The following RBM20 variants were observed in gnomAD, a reference collection of about 807,000 sequenced individuals.
RBM20 encodes RNA-binding protein 20.
A neutral mutation model predicts 110.1 loss-of-function variants in RBM20; 51 were observed. The observed-to-expected ratio is 0.46, with a 90% CI of 0.37 to 0.59. The LOEUF is 0.59. RBM20 is among the 20% of genes least tolerant of loss of function. The pLI, the probability that RBM20 is intolerant of heterozygous loss-of-function variation, is 0.00. For synonymous variants in RBM20, 589 were observed against 618.2 expected (o/e 0.95, Z 0.70); for missense variants, 1,512 against 1,574.9 (o/e 0.96, Z 0.68).
chr10:110,716,010 C>T (rs1557030), intron 1 of RBM20, among the ~76,000 whole-genome samples: 106,871 of 152,110 alleles, frequency 0.7, 38,099 homozygotes, highest in East Asian at 1. Flanking sequence ...TTCTTGGTTC[C>T]CTCACTCACT....
chr10:110,792,190 T>G (rs1564847567), intron 5 of RBM20, among the ~76,000 whole-genome samples: 1 of 151,886 alleles, frequency 6.6e-6, no homozygotes, highest in Non-Finnish European at 1.5e-5. Flanking sequence ...TATCTATCTA[T>G]GTATCCATCA....
chr10:110,778,316 G>A (rs1844293962), intron 1 of RBM20, among the ~76,000 whole-genome samples: 1 of 152,222 alleles, frequency 6.6e-6, no homozygotes, highest in Non-Finnish European at 1.5e-5. Flanking sequence ...ATGCAAATGG[G>A]AAAGAATAAC....
At chr10:110,805,256 G>C (rs1844679983) in intron 7 of RBM20, among the ~76,000 whole-genome samples, 1 of 152,186 alleles carries the variant, frequency 6.6e-6, no homozygotes, top group Non-Finnish European at 1.5e-5. Context: ...AAAAAGGGAA[G>C]AGATTCCTAA....
rs1002083999 is a variant in RBM20 at position 110,801,785 on chromosome 10, T to A, written c.1800+1867T>A. On this transcript the variant is annotated intron_variant, in intron 7 of 13. Coordinates refer to ENST00000369519, the MANE Select transcript of RBM20 (RefSeq NM_001134363.3). Reference sequence around the variant, plus strand: ...TGGTCTCAATATCCTGACCTTATGATCTGCCCGCCTCAGCCTCCCAAAGTG... The same window carrying A: ...TGGTCTCAATATCCTGACCTTATGAACTGCCCGCCTCAGCCTCCCAAAGTG... 2.6e-4 allele frequency among the ~76,000 whole-genome samples: 39 copies of A among 151,390 alleles called. 1 individual carries two copies. Among genetic ancestry groups the A allele is most frequent in the African/African-American group, 9.2e-4 (38 of 41,264 alleles).
chr10:110,797,927 G>T (rs1844573130), intron 6 of RBM20, among the ~76,000 whole-genome samples: 1 of 152,070 alleles, frequency 6.6e-6, no homozygotes, highest in Non-Finnish European at 1.5e-5. Context: ...AAGGGTAATT[G>T]GCACCCAAAA....
At chr10:110,651,399 C>G (rs1357404971) in intron 1 of RBM20, among the ~76,000 whole-genome samples, 1 of 152,088 alleles carries the variant, frequency 6.6e-6, no homozygotes, top group East Asian at 1.9e-4. Context: ...TGTCAGTGAA[C>G]AGGAAAAGGT....
chr10:110,721,041 TG>T (rs1487090344), intron 1 of RBM20, among the ~76,000 whole-genome samples: 1 of 152,216 alleles, frequency 6.6e-6, no homozygotes, highest in African/African-American at 2.4e-5. Flanking sequence ...TCTACAGGAC[TG>T]GCTTCCTTAT....
chr10:110,832,834 CTG>C (rs1845074130), intron 13 of RBM20, among the ~76,000 whole-genome samples: 1 of 152,208 alleles, frequency 6.6e-6, no homozygotes, highest in South Asian at 2.1e-4. Flanking sequence ...TTCTCTGTGA[CTG>C]AGGCAGCCAC....
chr10:110,662,405 C>T (rs1862117370), intron 1 of RBM20, among the ~76,000 whole-genome samples: 3 of 152,216 alleles, frequency 2.0e-5, no homozygotes, highest in South Asian at 2.1e-4. Flanking sequence ...TTGAGAACAT[C>T]ACTGCCCTTT....
Position 110,781,141 on chromosome 10 carries a change from C to A in RBM20, c.532C>A (p.Arg178=), listed in dbSNP as rs794729161. The change falls in exon 2 of 14, where the codon CGA becomes AGA. Residue 178 remains arginine, a synonymous_variant. Transcript: ENST00000369519. ...TGCCTTTTCACCCCCCAGCCAGACA[C>A]GAGGCCCCGGACCCTCCATGAACCT... ...AIAFSPPSQT[R]GPGPSMNLPN... The A allele has an allele frequency of 1.9e-5, 29 of 1,551,604 alleles. 1 individual carries two copies. The East Asian group carries it at 7.1e-4, about 38-fold the overall frequency.
intron 1 of RBM20, among the ~76,000 whole-genome samples, chr10:110,677,192 A>T (rs183674717): frequency 8.5e-5 from 13 of 152,300 alleles, no homozygotes; most frequent in African/African-American, 3.1e-4. Context: ...CTCTCCTCTT[A>T]TAAAGCCACC....
chr10:110,823,430 T>A (rs577466742), intron 11 of RBM20, 50 bp from the exon 12 acceptor site: 1 of 1,375,364 alleles, frequency 7.3e-7, no homozygotes, highest in East Asian at 2.7e-5. Flanking sequence ...ATGTTGTATT[T>A]CTTTTTTTTT....
chr10:110,810,450 G>C lies in RBM20; in HGVS notation c.1868G>C (p.Arg623Pro). ...TCCCAGAGGGAGAGGGACATGTTCC[G>C]GGAAGCAGACAGGTGAGGCCCCAAG... is the stretch of plus-strand genomic sequence containing the variant. ...IHSQRERDMF[R>P]EADRYGPERP... The change falls in exon 8 of 14, where the codon CGG becomes CCG. Residue 623 changes from arginine to proline, a missense_variant. By Grantham distance (103) the Arg-to-Pro change is moderately radical (BLOSUM62 -2). Around this residue, in one of 3 missense-constraint regions of RBM20, gnomAD observed 1,149 missense variants for 1,169.4 expected, o/e 0.98. Coordinates refer to ENST00000369519, the MANE Select transcript of RBM20 (RefSeq NM_001134363.3). 1 of 1,551,316 alleles carries C rather than the reference G, an allele frequency of 6.4e-7. No homozygotes were observed. Among genetic ancestry groups the C allele is most frequent in the Non-Finnish European group, 8.7e-7 (1 of 1,146,744 alleles).
chr10:110,732,260 A>G (rs1384645761), intron 1 of RBM20, among the ~76,000 whole-genome samples: 12 of 151,768 alleles, frequency 7.9e-5, no homozygotes, highest in African/African-American at 2.2e-4. Flanking sequence ...TGCTATTTCT[A>G]TGGAGAGGTT....
intron 5 of RBM20, among the ~76,000 whole-genome samples, chr10:110,792,757 G>A (rs1036066751): frequency 6.6e-4 from 100 of 152,322 alleles, no homozygotes; most frequent in African/African-American, 2.2e-3. Context: ...TCATGGAGCT[G>A]CAGGATTCAT....
intron 1 of RBM20, among the ~76,000 whole-genome samples, chr10:110,698,287 T>A (rs1296511025): frequency 6.6e-6 from 1 of 152,152 alleles, no homozygotes; most frequent in Non-Finnish European, 1.5e-5. Flanking sequence ...CAGCATGCCC[T>A]GCACAGTTCT....
chr10:110,684,870 G>A (rs1415080763), intron 1 of RBM20, among the ~76,000 whole-genome samples: 2 of 152,200 alleles, frequency 1.3e-5, no homozygotes, highest in African/African-American at 4.8e-5. Flanking sequence ...AAGCTTGGGA[G>A]CACTCCGCCG....
At chr10:110,793,965 G>C (rs910668736) in intron 5 of RBM20, among the ~76,000 whole-genome samples, 25 of 152,188 alleles carry the variant, frequency 1.6e-4, no homozygotes, top group African/African-American at 6.0e-4. Context: ...AAGAGAGCCC[G>C]GGTTGGGAAT....
rs571168709 is a variant in RBM20 at position 110,760,635 on chromosome 10, G to T, written c.192-20166G>T. 2.1e-4 allele frequency among the ~76,000 whole-genome samples: 32 copies of T among 149,582 alleles called. No homozygotes were observed. In the East Asian group the frequency reaches 6.2e-3, roughly 29 times the overall value. The stretch of plus-strand genomic sequence containing the variant: ...TTTGTATTTTTAGTAGAGACGCAGG[G>T]TTTCAACATGTTGGTCAGACTGGTC... On this transcript the variant is annotated intron_variant, in intron 1 of 13. Transcript: ENST00000369519.
Sources: allele counts gnomAD v4.1 joint callset (sites outside exome capture counted in the v4.1 genomes callset), GRCh38; gene constraint gnomAD v4.1.1; regional missense constraint gnomAD v4.1.1; transcripts MANE v1.5; gene names NCBI Gene and HGNC (gene_info 2026-07-23, HGNC 2026-07-21).